Variants in VPS37A observed in about 807,000 individuals in gnomAD.
VPS37A encodes the protein VPS37A subunit of ESCRT-I, also known as vacuolar protein sorting-associated protein 37A.
Under a neutral mutation model 49.8 loss-of-function variants are expected in VPS37A, and 30 were observed. The ratio of observed to expected loss-of-function variants is 0.60; its 90% CI spans 0.45 to 0.82. The LOEUF (loss-of-function observed/expected upper bound fraction) is 0.82, where lower values mean the gene tolerates loss of function less well. Among genes scored for constraint, VPS37A ranks in the 40% least tolerant of loss-of-function variants. VPS37A has a pLI of 0.00. For synonymous variants in VPS37A, 195 were observed against 160.6 expected, an observed-to-expected ratio of 1.21 and a Z score of -1.62; for missense variants, 593 against 464.4, an observed-to-expected ratio of 1.28 and a Z score of -2.55.
chr8:17,264,188 A>G (rs1394092269), intron 1 of VPS37A, among the ~76,000 whole-genome samples: 2 of 152,148 alleles, frequency 1.3e-5, no homozygotes, highest in Non-Finnish European at 2.9e-5. Context: ...TAAATGGTAA[A>G]GACAGGATTT....
At chr8:17,326,756 T>C in the VPS37A span, among the ~76,000 whole-genome samples, 6 of 152,296 alleles carry the variant, frequency 3.9e-5, no homozygotes, top group Non-Finnish European at 7.3e-5. Flanking sequence ...TCAAACTTCC[T>C]GATGAGAACG....
intron 11 of VPS37A, among the ~76,000 whole-genome samples, chr8:17,286,926 T>C (rs986030570): frequency 2.0e-5 from 3 of 152,214 alleles, no homozygotes. Context: ...TAAAATTTGC[T>C]CTACTCCAGA....
chr8:17,329,653 A>T, the VPS37A span, among the ~76,000 whole-genome samples: 1 of 152,234 alleles, frequency 6.6e-6, no homozygotes, highest in Admixed American at 6.5e-5. Context: ...AATTTAAATA[A>T]CTTAAGGGTC....
chr8:17,274,025 C>T (rs916623007), intron 4 of VPS37A, among the ~76,000 whole-genome samples: 1 of 152,118 alleles, frequency 6.6e-6, no homozygotes, highest in African/African-American at 2.4e-5. Context: ...CAGTCTGCAT[C>T]TAGGTCTGAA....
chr8:17,308,217 TCAAA>T, the VPS37A span, among the ~76,000 whole-genome samples: 1 of 152,102 alleles, frequency 6.6e-6, no homozygotes, highest in Non-Finnish European at 1.5e-5. Context: ...TTTTTCCTTA[TCAAA>T]CAATTATCTA....
chr8:17,256,213 C>G (rs1003383606), intron 1 of VPS37A, among the ~76,000 whole-genome samples: 1 of 151,450 alleles, frequency 6.6e-6, no homozygotes, highest in African/African-American at 2.4e-5. Flanking sequence ...TATCAGGGTT[C>G]CCCTGTCTCC....
chr8:17,247,935 C>CAGTGCAT, intron 1 of VPS37A: 1 of 610,260 alleles, frequency 1.6e-6, no homozygotes, highest in Non-Finnish European at 2.9e-6. Flanking sequence ...TCACAGCGAC[C>CAGTGCAT]AGTGCATGTA....
At chr8:17,316,142 G>C in the VPS37A span, among the ~76,000 whole-genome samples, 134 of 152,182 alleles carry the variant, frequency 8.8e-4, no homozygotes, top group Middle Eastern at 3.4e-3. Context: ...TGTGGGCTTG[G>C]GCAGATTACT....
At chr8:17,266,974 T>G (rs1359513229) in intron 2 of VPS37A, among the ~76,000 whole-genome samples, 1 of 152,096 alleles carries the variant, frequency 6.6e-6, no homozygotes, top group African/African-American at 2.4e-5. Context: ...GGTTTCACCA[T>G]GTTGGTCAGG....
At chr8:17,276,253 C>A in intron 5 of VPS37A, 144 bp from the exon 6 acceptor site, 1 of 641,252 alleles carries the variant, frequency 1.6e-6, no homozygotes, top group Non-Finnish European at 2.6e-6. Flanking sequence ...GAAGGGGAGA[C>A]TAAGGCAGTG....
downstream of VPS37A, among the ~76,000 whole-genome samples, chr8:17,302,667 C>T (rs114929731): frequency 0.013 from 1,890 of 141,416 alleles, 46 homozygotes; most frequent in African/African-American, 0.048. Context: ...TCTTTTGTAT[C>T]ACGACCACTA....
chr8:17,274,916 A>T lies in VPS37A; in HGVS notation c.600A>T (p.Ser200=), dbSNP rs751436160. ...KPAAPSFGVL[S]NLPLPIPTVD... is the part of the protein sequence containing the mutation. ...CCGCTCCTTCATTTGGTGTCCTTTC[A>T]AATCTGCCATTACCCATTCCCACAG... The change falls in exon 5 of 12, where the codon TCA becomes TCT. Residue 200 remains serine (S), a synonymous_variant. Transcript: ENST00000324849. The T allele has an allele frequency of 6.2e-7, 1 of 1,614,150 alleles. No homozygotes were observed. The highest frequency in any genetic ancestry group is 1.7e-5 in the Admixed American group (1 of 60,028).
chr8:17,301,740 G>A (rs185741131), downstream of VPS37A: 25 of 183,898 alleles, frequency 1.4e-4, no homozygotes, highest in Middle Eastern at 2.3e-3. Flanking sequence ...TTTACAGTCA[G>A]TCTCCCCTTT....
the VPS37A span, among the ~76,000 whole-genome samples, chr8:17,328,069 C>G: frequency 3.3e-5 from 5 of 152,146 alleles, no homozygotes; most frequent in South Asian, 4.1e-4. Context: ...CAGTATTAAT[C>G]TAACAGTCAC....
chr8:17,330,698 G>C, the VPS37A span, among the ~76,000 whole-genome samples: 11 of 152,308 alleles, frequency 7.2e-5, no homozygotes, highest in South Asian at 2.3e-3. Flanking sequence ...GTGTATTGTG[G>C]TGGCTGCTGT....
chr8:17,323,082 G>T, the VPS37A span, among the ~76,000 whole-genome samples: 2 of 151,138 alleles, frequency 1.3e-5, no homozygotes, highest in African/African-American at 2.4e-5. Context: ...TGAGTAGCTG[G>T]GACTACAGGC....
the VPS37A span, among the ~76,000 whole-genome samples, chr8:17,329,190 T>A: frequency 6.6e-6 from 1 of 152,202 alleles, no homozygotes; most frequent in Non-Finnish European, 1.5e-5. Flanking sequence ...TCATATCTCT[T>A]TGATGCCAAG....
chr8:17,326,389 T>C, the VPS37A span: 1 of 152,306 alleles, frequency 6.6e-6, no homozygotes, highest in East Asian at 1.9e-4. Context: ...ATAGTAAGCC[T>C]TCCATAAACG....
chr8:17,258,007 G>C (rs540932912), intron 1 of VPS37A, among the ~76,000 whole-genome samples: 4 of 152,052 alleles, frequency 2.6e-5, no homozygotes, highest in Admixed American at 6.6e-5. Flanking sequence ...TACTGAATTG[G>C]TTTATCATTT....
Sources: gnomAD v4.1 joint callset for allele counts (sites outside exome capture counted in the v4.1 genomes callset) on GRCh38, gnomAD v4.1.1 for gene constraint, MANE v1.5 for transcripts, NCBI Gene and HGNC (gene_info 2026-07-23, HGNC 2026-07-21) for gene names.